The following EHMT1 variants were observed in gnomAD, a reference collection of about 807,000 sequenced individuals.
The protein encoded by EHMT1 is histone-lysine N-methyltransferase EHMT1.
In EHMT1, 15 loss-of-function variants were observed where a neutral mutation model predicts 147.2. That is an observed-to-expected ratio of 0.10 (90% CI 0.07 to 0.16). EHMT1 has a LOEUF of 0.16. Among genes scored for constraint, EHMT1 ranks in the 10% least tolerant of loss-of-function variants. The probability of loss-of-function intolerance (pLI) is 1.00; values close to 1 mark genes in which losing one functional copy is unlikely to be tolerated. For synonymous variants in EHMT1, 795 were observed against 709.6 expected (o/e 1.12, Z -1.91); for missense variants, 1,587 against 1,772.4 (o/e 0.90, Z 1.88).
intron 1 of EHMT1, among the ~76,000 whole-genome samples, chr9:137,643,737 C>T (rs1423828539): frequency 2.0e-5 from 3 of 152,264 alleles, no homozygotes; most frequent in East Asian, 3.9e-4. Context: ...TCAGGACCCT[C>T]GTTCATGACA....
chr9:137,654,002 C>T (rs1010428965), intron 1 of EHMT1, among the ~76,000 whole-genome samples: 5 of 152,184 alleles, frequency 3.3e-5, no homozygotes, highest in African/African-American at 9.7e-5. Context: ...TTCACGCTTT[C>T]GCATATGGCT....
chr9:137,662,188 T>C (rs1939153949), intron 1 of EHMT1, among the ~76,000 whole-genome samples: 1 of 152,220 alleles, frequency 6.6e-6, no homozygotes, highest in Admixed American at 6.5e-5. Context: ...TTCAAATTGC[T>C]GATATTTTTG....
At chr9:137,675,721 C>A (rs1270102826) in intron 1 of EHMT1, among the ~76,000 whole-genome samples, 2 of 149,902 alleles carry the variant, frequency 1.3e-5, no homozygotes, top group African/African-American at 4.9e-5. Context: ...AAGCGATTCT[C>A]CTGCCTCAGC....
chr9:137,693,357 C>G (rs1383184672), intron 1 of EHMT1, among the ~76,000 whole-genome samples: 2 of 152,046 alleles, frequency 1.3e-5, no homozygotes, highest in Non-Finnish European at 2.9e-5. Context: ...TAGGCATCAC[C>G]CACAGTCCTG....
chr9:137,766,237 T>C (rs1440311660), intron 10 of EHMT1, among the ~76,000 whole-genome samples: 1 of 152,222 alleles, frequency 6.6e-6, no homozygotes, highest in African/African-American at 2.4e-5. Context: ...AACACCTACA[T>C]TTGTTGTTTA....
chr9:137,621,160 A>G (rs1244705509), intron 1 of EHMT1, among the ~76,000 whole-genome samples: 4 of 152,144 alleles, frequency 2.6e-5, no homozygotes, highest in African/African-American at 9.7e-5. Flanking sequence ...TAGATTGATA[A>G]TTCTAAGGGT....
At chr9:137,685,311 A>C (rs1214609450) in intron 1 of EHMT1, 1 of 152,150 alleles carries the variant, frequency 6.6e-6, no homozygotes, top group African/African-American at 2.4e-5. Flanking sequence ...TTTGTCTCTG[A>C]ATTTGCTTAA....
At position 137,713,520 on chromosome 9, in the gene EHMT1, C is replaced by G. The variant is rs535168507; in HGVS notation, c.85+2490C>G. On this transcript the variant is annotated intron_variant, in intron 2 of 26. Coordinates refer to ENST00000460843, the MANE Select transcript of EHMT1 (RefSeq NM_024757.5). ...TCTCCTGACCTCATGATCCACCCGCCTTGGCCTCCCAAAGTGCTGGGATTA... is the reference window on the plus strand; with the variant it reads ...TCTCCTGACCTCATGATCCACCCGCGTTGGCCTCCCAAAGTGCTGGGATTA... 3.3e-5 allele frequency among the ~76,000 whole-genome samples: 5 copies of G among 152,008 alleles called. No individual in the cohort carries two copies. In the East Asian group the frequency reaches 9.7e-4, roughly 30 times the overall value.
intron 1 of EHMT1, among the ~76,000 whole-genome samples, chr9:137,625,393 A>G (rs1230255136): frequency 6.6e-6 from 1 of 151,962 alleles, no homozygotes; most frequent in Admixed American, 6.6e-5. Flanking sequence ...TTGGAGAGAG[A>G]CAGTCTCACT....
intron 2 of EHMT1, chr9:137,715,939 C>A (rs1211085009): frequency 6.2e-6 from 5 of 812,454 alleles, no homozygotes; most frequent in Non-Finnish European, 7.4e-6. Context: ...TATGTTTGAA[C>A]TGAAATGCTG....
chr9:137,768,529 A>ATT lies in EHMT1; in HGVS notation c.1647+5746_1647+5747dup, dbSNP rs947901899. On this transcript the variant is annotated intron_variant, in intron 10 of 26. Coordinates refer to ENST00000460843, the MANE Select transcript of EHMT1 (RefSeq NM_024757.5). ...CCACCACGCCCGGCTAATTTTTTGT[A>ATT]TTTTTTTTTTTTTTTTTTTTTTTTT... Among the ~76,000 whole-genome samples the ATT allele has an allele frequency of 3.3e-4, 6 of 18,284 alleles. 2 individuals carry two copies. Among genetic ancestry groups the ATT allele is most frequent in the Non-Finnish European group, 5.7e-4 (5 of 8,838 alleles). 12.0% of individuals were successfully genotyped at this position (18,284 alleles called of 152,430 possible). A position where few individuals can be genotyped will look rare whatever the true frequency, so the allele number is the denominator to read the frequency against.
chr9:137,717,276 AAGTGTC>A (rs1945424162), intron 3 of EHMT1, 94 bp downstream of exon 3: 1 of 1,489,576 alleles, frequency 6.7e-7, no homozygotes, highest in East Asian at 2.4e-5. Context: ...AGAAGCCAGT[AAGTGTC>A]AGTGGTTATC....
intron 1 of EHMT1, among the ~76,000 whole-genome samples, chr9:137,665,724 C>A (rs896755918): frequency 6.6e-6 from 1 of 152,194 alleles, no homozygotes; most frequent in Non-Finnish European, 1.5e-5. Context: ...AGGGACCCTT[C>A]ACGTTTTAGG....
intron 15 of EHMT1, chr9:137,788,779 G>A (rs1026324996): frequency 5.9e-5 from 9 of 152,242 alleles, no homozygotes; most frequent in Non-Finnish European, 1.0e-4. Flanking sequence ...CTCGCGGAGG[G>A]TGAGCGGCCG....
chr9:137,798,108 C>T (rs1299070863), intron 16 of EHMT1, among the ~76,000 whole-genome samples: 1 of 152,218 alleles, frequency 6.6e-6, no homozygotes, highest in East Asian at 1.9e-4. Context: ...GGCATGGTGG[C>T]TCATGCCTGT....
intron 16 of EHMT1, among the ~76,000 whole-genome samples, chr9:137,795,609 G>C: frequency 6.6e-6 from 1 of 152,154 alleles, no homozygotes; most frequent in East Asian, 1.9e-4. Context: ...AGTGGCCCCG[G>C]CTGGGAGTGG....
rs746374601 is a variant in EHMT1, at chr9:137,710,984, G to A, written c.39G>A (p.Gly13=). The A allele has an allele frequency of 1.9e-6, 3 of 1,598,724 alleles. No individual in the cohort carries two copies. Among genetic ancestry groups the A allele is most frequent in the South Asian group, 2.3e-5 (2 of 87,852 alleles). Residue 13 remains glycine (G), a synonymous_variant, in exon 2 of 27, where the codon GGG becomes GGA. Transcript: ENST00000460843. ...TCTAACAGGCAGTTCCGGCGAGGGG[G>A]GAGCCTCAGCAGGATTGCTGTGTGA... ...AADAEAVPAR[G]EPQQDCCVKT...
intron 1 of EHMT1, among the ~76,000 whole-genome samples, chr9:137,654,515 C>A (rs1000836166): frequency 2.6e-5 from 4 of 152,042 alleles, no homozygotes; most frequent in African/African-American, 9.7e-5. Flanking sequence ...ATGACTTTAC[C>A]TTTGTTGTAA....
intron 1 of EHMT1, among the ~76,000 whole-genome samples, chr9:137,639,747 AT>A (rs1446395606): frequency 6.6e-6 from 1 of 152,146 alleles, no homozygotes; most frequent in Admixed American, 6.6e-5. Flanking sequence ...GATCTTGTAG[AT>A]TCAGCAGTTG....
Sources: gnomAD v4.1 joint callset for allele counts (sites outside exome capture counted in the v4.1 genomes callset) on GRCh38, gnomAD v4.1.1 for gene constraint, MANE v1.5 for transcripts, NCBI Gene and HGNC (gene_info 2026-07-23, HGNC 2026-07-21) for gene names.